The following UGT1A10 variants were observed in gnomAD, a reference collection of about 807,000 sequenced individuals.
UGT1A10 encodes the protein UDP glucuronosyltransferase family 1 member A10, also known as UDP-glucuronosyltransferase 1A10.
UGT1A10 carries 49 observed loss-of-function variants against 45.8 expected under a neutral mutation model. The observed-to-expected ratio is 1.07, with a 90% CI of 0.85 to 1.36. UGT1A10 has a LOEUF of 1.36. Ranked by LOEUF, UGT1A10 falls within the 40% of genes most tolerant of loss-of-function variation. The probability of loss-of-function intolerance (pLI) is 0.00; values close to 1 mark genes in which losing one functional copy is unlikely to be tolerated. For synonymous variants in UGT1A10, 284 were observed against 249.7 expected (o/e 1.14, Z -1.29); for missense variants, 745 against 668.6 (o/e 1.11, Z -1.26).
At chr2:233,745,275 A>G (rs1321529311) in intron 1 of UGT1A10, among the ~76,000 whole-genome samples, 1 of 151,868 alleles carries the variant, frequency 6.6e-6, no homozygotes, top group East Asian at 1.9e-4. Flanking sequence ...GGCCGTGTGT[A>G]TAGCACTGGG....
rs189644754 is a variant in UGT1A10 at position 233,743,962 on chromosome 2, C to T, written c.856-23072C>T. 923 of 1,331,616 alleles carry T rather than the reference C, an allele frequency of 6.9e-4. 28 individuals are homozygous for T. The African/African-American group carries it at 0.013, about 18-fold the overall frequency. The allele number at this position is 1,331,616 out of a possible 1,614,324, so 82.5% of individuals were successfully genotyped here. On this transcript the variant is annotated intron_variant, in intron 1 of 4. Coordinates refer to ENST00000344644, the MANE Select transcript of UGT1A10 (RefSeq NM_019075.4). ...CACCAGGCACTGGCACAGCGAGCGG[C>T]AAGGCTGCCAGCACCCAGGCGCAGG...
Position 233,772,646 on chromosome 2 carries a change from A to G in UGT1A10, c.*87A>G. The G allele has an allele frequency of 6.5e-7, 1 of 1,549,870 alleles. No individual in the cohort carries two copies. ...ACAGAATCAGTGTTAAATTCATTTTATTCTTATTAAGGAAATACTTTGCAT... is the reference window on the plus strand; with the variant it reads ...ACAGAATCAGTGTTAAATTCATTTTGTTCTTATTAAGGAAATACTTTGCAT... On this transcript the variant is annotated 3_prime_UTR_variant, in exon 5 of 5. Transcript: ENST00000344644.
At chr2:233,765,999 C>G (rs1036845415) in intron 1 of UGT1A10, among the ~76,000 whole-genome samples, 1 of 151,990 alleles carries the variant, frequency 6.6e-6, no homozygotes, top group Non-Finnish European at 1.5e-5. Flanking sequence ...CTCCAGTGGG[C>G]GTGGGTTATG....
chr2:233,763,286 C>G (rs1023575822), intron 1 of UGT1A10, among the ~76,000 whole-genome samples: 3 of 152,120 alleles, frequency 2.0e-5, no homozygotes, highest in Non-Finnish European at 2.9e-5. Context: ...ATCTGAAATT[C>G]CACTTTTTGG....
intron 4 of UGT1A10, chr2:233,771,032 G>A (rs560864303): frequency 1.4e-4 from 22 of 152,232 alleles, no homozygotes; most frequent in African/African-American, 4.8e-4. Flanking sequence ...AGTTGGGGGG[G>A]AAGGTGCCAC....
intron 1 of UGT1A10, among the ~76,000 whole-genome samples, chr2:233,663,453 G>A (rs1575409640): frequency 6.6e-6 from 1 of 152,090 alleles, no homozygotes; most frequent in African/African-American, 2.4e-5. Context: ...GGGGCCACAA[G>A]AGCAGATGAG....
At chr2:233,729,623 C>T (rs142986334) in intron 1 of UGT1A10, 391 of 1,613,794 alleles carry the variant, frequency 2.4e-4, no homozygotes, top group Non-Finnish European at 3.1e-4. Context: ...AAGTACCTGT[C>T]GATTCCTACT....
intron 1 of UGT1A10, chr2:233,729,531 G>T (rs757870746): frequency 6.2e-7 from 1 of 1,614,140 alleles, no homozygotes. Context: ...TACATAATGA[G>T]GCCCTGATCA....
At position 233,682,005 on chromosome 2, in the gene UGT1A10, C is replaced by A. The variant is rs2074549524; in HGVS notation, c.855+44628C>A. The A allele has an allele frequency of 5.0e-6, 8 of 1,613,988 alleles. No homozygotes were observed. Among genetic ancestry groups the A allele is most frequent in the Non-Finnish European group, 6.8e-6 (8 of 1,180,012 alleles). ...TGTCTACTGCTGACCTGTGGCTTTG[C>A]CAAGGCAGGGAAGCTGCTGGTAGTG... On this transcript the variant is annotated intron_variant, in intron 1 of 4. Transcript: ENST00000344644.
intron 1 of UGT1A10, among the ~76,000 whole-genome samples, chr2:233,756,911 G>A (rs1386201221): frequency 6.6e-6 from 1 of 152,014 alleles, no homozygotes; most frequent in African/African-American, 2.4e-5. Flanking sequence ...ACAAACTTCT[G>A]AGTTTATATA....
intron 1 of UGT1A10, among the ~76,000 whole-genome samples, chr2:233,677,982 A>T (rs939472601): frequency 2.0e-5 from 3 of 152,240 alleles, no homozygotes; most frequent in Non-Finnish European, 4.4e-5. Flanking sequence ...TGGAATATGC[A>T]GCCATAAAAA....
At chr2:233,741,968 A>G (rs1276374481) in intron 1 of UGT1A10, 1 of 151,884 alleles carries the variant, frequency 6.6e-6, no homozygotes, top group Non-Finnish European at 1.5e-5. Context: ...TGTTGTGTTT[A>G]TGGTGCCTCA....
chr2:233,691,989 T>C (rs1304927281), intron 1 of UGT1A10: 1 of 152,252 alleles, frequency 6.6e-6, no homozygotes, highest in African/African-American at 2.4e-5. Context: ...CCTAAGTTTA[T>C]GTAAAGGAGA....
intron 1 of UGT1A10, among the ~76,000 whole-genome samples, chr2:233,706,759 A>G (rs1474943157): frequency 2.6e-5 from 4 of 152,188 alleles, no homozygotes; most frequent in Non-Finnish European, 5.9e-5. Flanking sequence ...AGTGCCGTAC[A>G]CTGGTATCCA....
At position 233,679,006 on chromosome 2, in the gene UGT1A10, C is replaced by A. The variant is rs184095276; in HGVS notation, c.855+41629C>A. On this transcript the variant is annotated intron_variant, in intron 1 of 4. Coordinates refer to ENST00000344644, the MANE Select transcript of UGT1A10 (RefSeq NM_019075.4). ...GCTCTTTCTATAATAACAGTGGCAT[C>A]TTCAGTGGTGTAATCCTTCTGGACT... 2.6e-5 allele frequency among the ~76,000 whole-genome samples: 4 copies of A among 152,324 alleles called. No homozygotes were observed. In the East Asian group the frequency reaches 7.7e-4, roughly 29 times the overall value.
intron 1 of UGT1A10, among the ~76,000 whole-genome samples, chr2:233,766,371 C>T (rs997095711): frequency 1.3e-5 from 2 of 152,154 alleles, no homozygotes; most frequent in Non-Finnish European, 2.9e-5. Context: ...TTGGTGAGTT[C>T]TTCTCAATGT....
intron 1 of UGT1A10, among the ~76,000 whole-genome samples, chr2:233,705,940 T>C (rs2075879874): frequency 6.6e-6 from 1 of 152,018 alleles, no homozygotes; most frequent in Non-Finnish European, 1.5e-5. Flanking sequence ...AGACAAAAAA[T>C]TAGCTGGGTG....
At chr2:233,671,433 C>T (rs1032339966) in intron 1 of UGT1A10, among the ~76,000 whole-genome samples, 7 of 152,088 alleles carry the variant, frequency 4.6e-5, no homozygotes, top group Admixed American at 2.0e-4. Context: ...GAGACACAGG[C>T]GAGCCCCAAT....
intron 1 of UGT1A10, among the ~76,000 whole-genome samples, chr2:233,765,526 T>G (rs1002018733): frequency 1.3e-5 from 2 of 151,960 alleles, no homozygotes; most frequent in East Asian, 3.9e-4. Flanking sequence ...AAACACCGCA[T>G]GTTCTCACTC....
Sources: allele counts gnomAD v4.1 joint callset (sites outside exome capture counted in the v4.1 genomes callset), GRCh38; gene constraint gnomAD v4.1.1; transcripts MANE v1.5; gene names NCBI Gene and HGNC (gene_info 2026-07-23, HGNC 2026-07-21).